Variants in MGAT4C observed in about 807,000 individuals in gnomAD.
The protein encoded by MGAT4C is MGAT4 family member C.
A neutral mutation model predicts 40.1 loss-of-function variants in MGAT4C; 19 were observed. That is an observed-to-expected ratio of 0.47 (90% CI 0.33 to 0.70). The LOEUF is 0.70. Ranked by LOEUF, MGAT4C falls within the 30% of genes least tolerant of loss-of-function variation. The probability of loss-of-function intolerance (pLI) is 0.02; values close to 1 mark genes in which losing one functional copy is unlikely to be tolerated. For missense variants in MGAT4C, 491 were observed against 563.2 expected (o/e 0.87, Z 1.30); for synonymous variants, 181 against 187.1 (o/e 0.97, Z 0.27).
chr12:86,673,601 C>T (rs902690547), intron 2 of MGAT4C, among the ~76,000 whole-genome samples: 9 of 152,096 alleles, frequency 5.9e-5, no homozygotes, highest in Admixed American at 3.9e-4. Flanking sequence ...AATTTTGCTA[C>T]TCATGTTAGG....
intron 2 of MGAT4C, among the ~76,000 whole-genome samples, chr12:86,475,093 G>C (rs535314991): frequency 1.3e-5 from 2 of 152,112 alleles, no homozygotes; most frequent in African/African-American, 4.8e-5. Context: ...AAGGACTAAA[G>C]TCAGAATGCT....
chr12:86,251,856 A>G (rs1952296503), intron 1 of MGAT4C, among the ~76,000 whole-genome samples: 1 of 152,086 alleles, frequency 6.6e-6, no homozygotes, highest in African/African-American at 2.4e-5. Flanking sequence ...CACTGAGACC[A>G]GTATCAAACA....
At chr12:86,291,389 G>T (rs529314409) in intron 4 of MGAT4C, among the ~76,000 whole-genome samples, 2 of 152,268 alleles carry the variant, frequency 1.3e-5, no homozygotes, top group South Asian at 4.1e-4. Flanking sequence ...TTTAGATAAA[G>T]CATGGAGGAT....
intron 2 of MGAT4C, among the ~76,000 whole-genome samples, chr12:86,504,391 A>G (rs1289725191): frequency 6.6e-6 from 1 of 152,166 alleles, no homozygotes; most frequent in East Asian, 1.9e-4. Context: ...ATCATCCCAA[A>G]TGTCCATCTA....
At chr12:86,092,938 G>A (rs185490084) in intron 1 of MGAT4C, among the ~76,000 whole-genome samples, 1 of 152,030 alleles carries the variant, frequency 6.6e-6, no homozygotes, top group African/African-American at 2.4e-5. Flanking sequence ...CATGTGCCAT[G>A]GTGGTTTGCT....
intron 4 of MGAT4C, among the ~76,000 whole-genome samples, chr12:86,288,268 T>G (rs1953406998): frequency 6.6e-6 from 1 of 152,202 alleles, no homozygotes; most frequent in African/African-American, 2.4e-5. Context: ...ATAAATAGAT[T>G]GCAAAATTTT....
In MGAT4C at chr12:86,197,750, ACAT is replaced by A. The variant is rs569382105; in HGVS notation, c.-57+58486_-57+58488del. On this transcript the variant is annotated intron_variant, in intron 1 of 4. Coordinates refer to ENST00000611864, the MANE Select transcript of MGAT4C (RefSeq NM_001351288.2). Reference sequence around the variant, plus strand: ...GATGATAGCACATTTTTAACTGGAAACATCATCATCTTTTTAACTCAAAAAAGT... The same window carrying A: ...GATGATAGCACATTTTTAACTGGAAACATCATCTTTTTAACTCAAAAAAGT... 9.6e-4 allele frequency among the ~76,000 whole-genome samples: 146 copies of A among 152,340 alleles called. 2 individuals carry two copies. Among genetic ancestry groups the A allele is most frequent in the African/African-American group, 3.4e-3 (141 of 41,576 alleles).
chr12:86,446,841 C>G (rs1458536690), intron 2 of MGAT4C, among the ~76,000 whole-genome samples: 1 of 150,882 alleles, frequency 6.6e-6, no homozygotes, highest in African/African-American at 2.4e-5. Flanking sequence ...GATGGTAATA[C>G]TAACCCTACC....
intron 1 of MGAT4C, among the ~76,000 whole-genome samples, chr12:86,736,727 G>A (rs1301507615): frequency 6.6e-6 from 1 of 151,730 alleles, no homozygotes; most frequent in African/African-American, 2.4e-5. Flanking sequence ...ACTGTCTGCT[G>A]TGACCACTTT....
chr12:86,265,077 C>T (rs2136100553), intron 4 of MGAT4C, among the ~76,000 whole-genome samples: 1 of 152,298 alleles, frequency 6.6e-6, no homozygotes, highest in South Asian at 2.1e-4. Flanking sequence ...GAGCCGGCAC[C>T]CGTGCGGGCA....
At position 86,183,725 on chromosome 12, in the gene MGAT4C, T is replaced by C. The variant is rs545110657; in HGVS notation, c.-57+72514A>G. Among the ~76,000 whole-genome samples the C allele has an allele frequency of 9.2e-5, 14 of 152,306 alleles. No homozygotes were observed. The South Asian group carries it at 2.7e-3, about 29-fold the overall frequency. On this transcript the variant is annotated intron_variant, in intron 1 of 4. Coordinates refer to ENST00000611864, the MANE Select transcript of MGAT4C (RefSeq NM_001351288.2). ...GTAGAGGGTGGCCTTCTGACTTACA[T>C]ACTGGCTTGACCTTACCATGCTGTA...
intron 2 of MGAT4C, among the ~76,000 whole-genome samples, chr12:86,635,989 T>C (rs77367202): frequency 0.086 from 13,060 of 152,006 alleles, 901 homozygotes; most frequent in African/African-American, 0.19. Context: ...GTTCCTTTTC[T>C]ATATTTAGAT....
chr12:86,724,037 T>C (rs1258919418), intron 2 of MGAT4C, among the ~76,000 whole-genome samples: 2 of 152,170 alleles, frequency 1.3e-5, no homozygotes, highest in Non-Finnish European at 1.5e-5. Context: ...TTCGATACAA[T>C]ACCCATGCAT....
intron 1 of MGAT4C, among the ~76,000 whole-genome samples, chr12:86,148,169 G>C (rs1055560204): frequency 6.6e-6 from 1 of 152,090 alleles, no homozygotes. Flanking sequence ...CACTCTTTTT[G>C]CTGTCACTTA....
intron 3 of MGAT4C, 82 bp from the exon 4 acceptor site, chr12:85,983,752 A>T (rs1005179199): frequency 8.8e-7 from 1 of 1,131,718 alleles, no homozygotes; most frequent in African/African-American, 1.6e-5. Context: ...TTACACAATA[A>T]ATGTACGACT....
At chr12:86,261,937 G>C (rs539097104) in intron 4 of MGAT4C, among the ~76,000 whole-genome samples, 9 of 152,122 alleles carry the variant, frequency 5.9e-5, no homozygotes, top group South Asian at 4.1e-4. Flanking sequence ...ACCCATTTAT[G>C]CCTCAGGTTG....
chr12:86,607,398 C>T (rs983825939), intron 2 of MGAT4C, among the ~76,000 whole-genome samples: 17 of 152,036 alleles, frequency 1.1e-4, no homozygotes, highest in African/African-American at 4.1e-4. Context: ...TTTCAATGTA[C>T]ATACAACATA....
chr12:86,476,753 A>G (rs1957841517), intron 2 of MGAT4C, among the ~76,000 whole-genome samples: 2 of 152,186 alleles, frequency 1.3e-5, no homozygotes, highest in South Asian at 4.1e-4. Flanking sequence ...AGCCATAAAA[A>G]GGAAAAAAAT....
At chr12:86,209,100 C>T (rs1233065419) in intron 1 of MGAT4C, among the ~76,000 whole-genome samples, 1 of 151,942 alleles carries the variant, frequency 6.6e-6, no homozygotes, top group Admixed American at 6.6e-5. Context: ...ATCCTGTCTA[C>T]AATTGAAAAA....
Sources: allele counts gnomAD v4.1 joint callset (sites outside exome capture counted in the v4.1 genomes callset), GRCh38; gene constraint gnomAD v4.1.1; transcripts MANE v1.5; gene names NCBI Gene and HGNC (gene_info 2026-07-23, HGNC 2026-07-21).